The following UNC13C variants were observed in gnomAD, a reference collection of about 807,000 sequenced individuals.
UNC13C encodes the protein unc-13 homolog C, also known as protein unc-13 homolog C.
In UNC13C, 174 loss-of-function variants were observed where a neutral mutation model predicts 245.4. That is an observed-to-expected ratio of 0.71 (90% confidence interval 0.63 to 0.80). The LOEUF (loss-of-function observed/expected upper bound fraction) is 0.80, where lower values mean the gene tolerates loss of function less well. Among genes scored for constraint, UNC13C ranks in the 30% least tolerant of loss-of-function variants. The pLI, the probability that UNC13C is intolerant of heterozygous loss-of-function variation, is 0.00. For synonymous variants in UNC13C, 992 were observed against 895.1 expected, an observed-to-expected ratio of 1.11 and a Z score of -1.93; for missense variants, 2,829 against 2,602.9, an observed-to-expected ratio of 1.09 and a Z score of -1.89.
chr15:54,063,374 C>T (rs1235367489), intron 2 of UNC13C, among the ~76,000 whole-genome samples: 1 of 152,000 alleles, frequency 6.6e-6, no homozygotes, highest in Non-Finnish European at 1.5e-5. Flanking sequence ...ATGTTAGAGT[C>T]CTTGGAGAGC....
intron 7 of UNC13C, among the ~76,000 whole-genome samples, chr15:54,249,249 A>T (rs565243570): frequency 6.6e-6 from 1 of 150,866 alleles, no homozygotes; most frequent in South Asian, 2.1e-4. Context: ...TTTTTTTTAC[A>T]TCCAGCATCA....
At position 54,338,346 on chromosome 15, in the gene UNC13C, G is replaced by A. The variant is rs1218315772; in HGVS notation, c.4585-15G>A. ...CACTGTTGCATTTGAGAAAATAAAT[G>A]TCTGTCTTTGTCAGGTTCTGGAGCT... On this transcript the variant is annotated splice_polypyrimidine_tract_variant and intron_variant, in intron 16 of 32. Transcript: ENST00000260323. 4.4e-6 allele frequency: 7 copies of A among 1,594,284 alleles called. No homozygotes were observed. Among genetic ancestry groups the A allele is most frequent in the Admixed American group, 1.7e-5 (1 of 57,290 alleles).
At chr15:54,008,856 C>T (rs572686211) in intron 1 of UNC13C, among the ~76,000 whole-genome samples, 19 of 152,258 alleles carry the variant, frequency 1.2e-4, no homozygotes, top group South Asian at 1.2e-3. Flanking sequence ...CTTTGTTTAG[C>T]TGTGCAGTTT....
chr15:54,074,010 A>C (rs1595811137), intron 2 of UNC13C, among the ~76,000 whole-genome samples: 1 of 152,164 alleles, frequency 6.6e-6, no homozygotes, highest in African/African-American at 2.4e-5. Context: ...TTATGGCTTT[A>C]GTTGTTACAT....
At chr15:54,338,621 A>G (rs1047272065) in intron 17 of UNC13C, 132 bp downstream of exon 17, 9 of 993,806 alleles carry the variant, frequency 9.1e-6, no homozygotes, top group Non-Finnish European at 1.2e-5. Flanking sequence ...GAGAATTTCC[A>G]TACCTTTTCT....
the UNC13C span, among the ~76,000 whole-genome samples, chr15:53,898,687 T>C: frequency 4.6e-5 from 7 of 152,202 alleles, no homozygotes; most frequent in Non-Finnish European, 7.3e-5. Context: ...GTATTTAAGG[T>C]GTACAATATG....
intron 17 of UNC13C, among the ~76,000 whole-genome samples, chr15:54,357,847 C>T (rs894659419): frequency 8.6e-5 from 13 of 151,874 alleles, no homozygotes; most frequent in Non-Finnish European, 2.9e-5. Context: ...AAAACACACA[C>T]ATATATGTGT....
At chr15:54,057,427 T>A (rs1259344520) in intron 2 of UNC13C, among the ~76,000 whole-genome samples, 1 of 151,156 alleles carries the variant, frequency 6.6e-6, no homozygotes, top group Non-Finnish European at 1.5e-5. Flanking sequence ...TAAATATATA[T>A]GCACCCAATA....
At chr15:53,933,135 T>C in the UNC13C span, among the ~76,000 whole-genome samples, 432 of 152,308 alleles carry the variant, frequency 2.8e-3, 12 homozygotes, top group East Asian at 0.075. Flanking sequence ...CTGCCATAGT[T>C]CAGATCCTTA....
chr15:54,436,887 TG>T (rs369396521), intron 19 of UNC13C, among the ~76,000 whole-genome samples: 18 of 152,054 alleles, frequency 1.2e-4, no homozygotes, highest in African/African-American at 4.3e-4. Flanking sequence ...AATGCATTTT[TG>T]CTATGCAGTT....
the UNC13C span, among the ~76,000 whole-genome samples, chr15:53,900,164 T>C: frequency 1.3e-5 from 2 of 151,914 alleles, no homozygotes; most frequent in Non-Finnish European, 2.9e-5. Context: ...AATGAGGGAC[T>C]AGAATGATAC....
At chr15:54,518,943 T>C (rs1895097388) in intron 24 of UNC13C, among the ~76,000 whole-genome samples, 1 of 152,188 alleles carries the variant, frequency 6.6e-6, no homozygotes, top group Non-Finnish European at 1.5e-5. Context: ...ATGTAAGCCC[T>C]AAATTCCTTT....
At chr15:54,125,404 GGT>G (rs1342993911) in intron 2 of UNC13C, among the ~76,000 whole-genome samples, 7 of 152,026 alleles carry the variant, frequency 4.6e-5, no homozygotes, top group African/African-American at 1.7e-4. Context: ...CGGAGGTTGC[GGT>G]GAACTGAGAC....
intron 4 of UNC13C, among the ~76,000 whole-genome samples, chr15:54,188,811 A>G (rs1209575928): frequency 6.6e-6 from 1 of 152,186 alleles, no homozygotes. Context: ...TTTATTGGAA[A>G]TTTAAAATTG....
chr15:54,607,034 G>T (rs1008435098), intron 30 of UNC13C, among the ~76,000 whole-genome samples: 1 of 151,828 alleles, frequency 6.6e-6, no homozygotes, highest in African/African-American at 2.4e-5. Context: ...AGGTTTTGTG[G>T]GAAAAAAAAT....
At chr15:54,333,430 C>G (rs1467093858) in intron 15 of UNC13C, among the ~76,000 whole-genome samples, 2 of 151,686 alleles carry the variant, frequency 1.3e-5, no homozygotes, top group Admixed American at 6.6e-5. Flanking sequence ...AAATTTTTTC[C>G]TATGTATGCT....
In UNC13C at chr15:53,988,069, G is replaced by T. The variant is rs372584125; in HGVS notation, c.-257+9142G>T. Reference sequence around the variant, plus strand: ...ACTTCTCTCCCTCACCATCCAGGCTGGTCTGAATTTCTAGTGCCTGTATCT... The same window carrying T: ...ACTTCTCTCCCTCACCATCCAGGCTTGTCTGAATTTCTAGTGCCTGTATCT... On this transcript the variant is annotated intron_variant, in intron 1 of 32. Transcript: ENST00000260323. Among the ~76,000 whole-genome samples, 44 of 152,008 alleles carry T rather than the reference G, an allele frequency of 2.9e-4. No homozygotes were observed. The East Asian group carries it at 7.6e-3, about 26-fold the overall frequency.
intron 19 of UNC13C, among the ~76,000 whole-genome samples, chr15:54,453,381 A>T (rs1891291980): frequency 6.6e-6 from 1 of 152,138 alleles, no homozygotes; most frequent in Non-Finnish European, 1.5e-5. Flanking sequence ...TCTCTCTTAG[A>T]GGATCTATTG....
chr15:53,962,405 A>C, the UNC13C span, among the ~76,000 whole-genome samples: 1 of 151,926 alleles, frequency 6.6e-6, no homozygotes, highest in Admixed American at 6.6e-5. Flanking sequence ...TTTGATATTC[A>C]CTCTCATTAT....
Sources: gnomAD v4.1 joint callset for allele counts (sites outside exome capture counted in the v4.1 genomes callset) on GRCh38, gnomAD v4.1.1 for gene constraint, MANE v1.5 for transcripts, NCBI Gene and HGNC (gene_info 2026-07-23, HGNC 2026-07-21) for gene names.